Variants in ABCC9 observed in about 807,000 individuals in gnomAD.
ABCC9 encodes ATP binding cassette subfamily C member 9.
A neutral mutation model predicts 188.3 loss-of-function variants in ABCC9; 95 were observed. That is an observed-to-expected ratio of 0.50 (90% confidence interval 0.43 to 0.60). The LOEUF is 0.60. ABCC9 is among the 20% of genes least tolerant of loss of function. The pLI is 0.00. For synonymous variants in ABCC9, 659 were observed against 652.7 expected (o/e 1.01, Z -0.15); for missense variants, 1,102 against 1,876.3 (o/e 0.59, Z 7.62).
intron 15 of ABCC9, 108 bp downstream of exon 15, chr12:21,887,718 G>A (rs1946950695): frequency 1.2e-6 from 1 of 802,520 alleles, no homozygotes; most frequent in African/African-American, 1.7e-5. Flanking sequence ...CTTCACATGG[G>A]TTAAAAACTA....
intron 39 of ABCC9, among the ~76,000 whole-genome samples, chr12:21,804,566 T>C (rs753295837): frequency 1.1e-4 from 16 of 152,214 alleles, no homozygotes; most frequent in African/African-American, 2.4e-4. Context: ...ATTGAGTTAA[T>C]TGGGTGACTC....
chr12:21,869,899 A>G (rs1392240454), intron 18 of ABCC9, among the ~76,000 whole-genome samples: 1 of 152,178 alleles, frequency 6.6e-6, no homozygotes, highest in Non-Finnish European at 1.5e-5. Context: ...ACTAAGAAAT[A>G]AAATATCTGT....
chr12:21,825,508 C>T (rs1179621034), intron 31 of ABCC9, among the ~76,000 whole-genome samples: 2 of 152,040 alleles, frequency 1.3e-5, no homozygotes, highest in Non-Finnish European at 2.9e-5. Flanking sequence ...ATGGATGAAG[C>T]TGGAAACCAT....
intron 24 of ABCC9, among the ~76,000 whole-genome samples, chr12:21,849,217 A>G (rs1944840268): frequency 6.6e-6 from 1 of 152,188 alleles, no homozygotes; most frequent in South Asian, 2.1e-4. Flanking sequence ...TGTTACATCA[A>G]AAAACCAATA....
At chr12:21,881,317 G>A (rs527734962) in intron 16 of ABCC9, among the ~76,000 whole-genome samples, 4 of 152,154 alleles carry the variant, frequency 2.6e-5, no homozygotes, top group Admixed American at 1.3e-4. Flanking sequence ...AGCTTTCACC[G>A]TAAATAAAAA....
chr12:21,837,182 A>T (rs1333157840), intron 30 of ABCC9, among the ~76,000 whole-genome samples: 3 of 152,238 alleles, frequency 2.0e-5, no homozygotes, highest in Non-Finnish European at 4.4e-5. Flanking sequence ...CAATGCCAAT[A>T]AATAATTTTG....
intron 36 of ABCC9, among the ~76,000 whole-genome samples, chr12:21,811,105 C>T (rs915917760): frequency 8.5e-5 from 13 of 152,208 alleles, no homozygotes; most frequent in East Asian, 1.9e-4. Context: ...GGGGCAGTTT[C>T]CCCCATGCTG....
intron 5 of ABCC9, 123 bp downstream of exon 5, chr12:21,925,819 T>C: frequency 9.3e-7 from 1 of 1,070,940 alleles, no homozygotes; most frequent in African/African-American, 1.6e-5. Context: ...TCACTGGTTT[T>C]CCCATACTTT....
chr12:21,865,633 G>T (rs1373186055), intron 18 of ABCC9, among the ~76,000 whole-genome samples: 1 of 152,042 alleles, frequency 6.6e-6, no homozygotes, highest in Non-Finnish European at 1.5e-5. Flanking sequence ...TTTGTATTCT[G>T]GCCATTCAAG....
chr12:21,860,156 T>A (rs1309954067), intron 21 of ABCC9, among the ~76,000 whole-genome samples: 1 of 152,204 alleles, frequency 6.6e-6, no homozygotes, highest in Non-Finnish European at 1.5e-5. Context: ...GGCTTTACAT[T>A]TTTAAATTTC....
intron 15 of ABCC9, among the ~76,000 whole-genome samples, chr12:21,883,334 G>A (rs571770758): frequency 2.6e-5 from 4 of 152,278 alleles, no homozygotes; most frequent in East Asian, 1.9e-4. Context: ...ATCTTTTCCC[G>A]TGTTGTTCTC....
In ABCC9 at chr12:21,887,920, T is replaced by G. The variant is rs149229372; in HGVS notation, c.1817A>C (p.Asn606Thr). ...VKAIISVQKL[N>T]EFLLSDEIGD... ...AATCTCATCACTCAAGAGAAACTCA[T>G]TCAGCTTTTGAACACTGCAAAAAAC... The change falls in exon 15 of 40, where the codon AAT becomes ACT. Residue 606 changes from asparagine (N) to threonine (T), a missense_variant. This residue lies in a region of ABCC9 where 258 missense variants were observed against 325.6 expected (regional missense o/e 0.79). Transcript: ENST00000261200. 14 of 1,612,948 alleles carry G rather than the reference T, an allele frequency of 8.7e-6. No homozygotes were observed. The highest frequency in any genetic ancestry group is 1.2e-5 in the Non-Finnish European group (14 of 1,179,106).
chr12:21,890,517 A>G (rs1363501896), intron 14 of ABCC9, among the ~76,000 whole-genome samples: 3 of 152,110 alleles, frequency 2.0e-5, no homozygotes, highest in African/African-American at 7.2e-5. Flanking sequence ...AGTCTTACCT[A>G]TTTTTAAGGA....
Position 21,863,071 on chromosome 12 carries a change from A to T in ABCC9, c.2238-17T>A. 2 of 623,728 alleles carry T rather than the reference A, an allele frequency of 3.2e-6. No homozygotes were observed. The highest frequency in any genetic ancestry group is 4.3e-6 in the Non-Finnish European group (2 of 467,652). 38.6% of individuals were successfully genotyped at this position (623,728 alleles called of 1,614,324 possible). ...CTGTTCCTACTGAAAAATGAAAAAG[A>T]AAAAAAAAAACACCAGGATTATGCA... On this transcript the variant is annotated splice_polypyrimidine_tract_variant and intron_variant, in intron 19 of 39. Transcript: ENST00000261200.
intron 10 of ABCC9, 51 bp from the exon 11 acceptor site, chr12:21,908,262 A>G (rs770340276): frequency 6.3e-7 from 1 of 1,599,118 alleles, no homozygotes; most frequent in Non-Finnish European, 8.6e-7. Flanking sequence ...TGTGGGAGCC[A>G]TTGCATGAAA....
At chr12:21,848,094 A>G in intron 25 of ABCC9, 56 bp downstream of exon 25, 1 of 1,506,976 alleles carries the variant, frequency 6.6e-7, no homozygotes. Context: ...CACATAAAAA[A>G]CCCTCGCATC....
intron 22 of ABCC9, among the ~76,000 whole-genome samples, chr12:21,854,194 A>C: frequency 6.6e-6 from 1 of 152,248 alleles, no homozygotes; most frequent in Non-Finnish European, 1.5e-5. Flanking sequence ...TGCTATTTAG[A>C]GAGAAACTGA....
At chr12:21,896,652 G>A (rs1565458762) in intron 12 of ABCC9, among the ~76,000 whole-genome samples, 2 of 152,118 alleles carry the variant, frequency 1.3e-5, no homozygotes, top group South Asian at 4.1e-4. Flanking sequence ...TTATAGGTGA[G>A]AACATGTGGT....
rs868760357 is a variant in ABCC9, at chr12:21,818,538, G to A, written c.3670-287C>T. ...TAGATATATATATATGTGTGTGTGT[G>A]TGTGTGTGTGTGTGTGTGTGTGTGA... On this transcript the variant is annotated intron_variant, in intron 31 of 39. Coordinates refer to ENST00000261200, the MANE Select transcript of ABCC9 (RefSeq NM_020297.4). Among the ~76,000 whole-genome samples the A allele has an allele frequency of 4.3e-3, 630 of 146,576 alleles. 4 individuals carry two copies. Among genetic ancestry groups the A allele is most frequent in the African/African-American group, 0.013 (540 of 40,082 alleles).
Sources: allele counts gnomAD v4.1 joint callset (sites outside exome capture counted in the v4.1 genomes callset), GRCh38; gene constraint gnomAD v4.1.1; regional missense constraint gnomAD v4.1.1; transcripts MANE v1.5; gene names NCBI Gene and HGNC (gene_info 2026-07-23, HGNC 2026-07-21).